The following PCDHGA1 variants were observed in gnomAD, a reference collection of about 807,000 sequenced individuals.
PCDHGA1 encodes the protein protocadherin gamma subfamily A, 1.
A neutral mutation model predicts 58.0 loss-of-function variants in PCDHGA1; 32 were observed. The observed-to-expected ratio is 0.55, with a 90% CI of 0.42 to 0.74. PCDHGA1 has a LOEUF of 0.74. Ranked by LOEUF, PCDHGA1 falls within the 30% of genes least tolerant of loss-of-function variation. The pLI, the probability that PCDHGA1 is intolerant of heterozygous loss-of-function variation, is 0.00. For synonymous variants in PCDHGA1, 498 were observed against 501.1 expected, an observed-to-expected ratio of 0.99 and a Z score of 0.08; for missense variants, 1,205 against 1,182.3, an observed-to-expected ratio of 1.02 and a Z score of -0.28.
chr5:141,457,168 C>T (rs10072917), intron 1 of PCDHGA1, among the ~76,000 whole-genome samples: 42,426 of 152,004 alleles, frequency 0.28, 6,644 homozygotes, highest in African/African-American at 0.43. Context: ...ATGGATAACC[C>T]TATTGCAAAT....
chr5:141,350,907 A>G lies in PCDHGA1; in HGVS notation c.2421+17802A>G, dbSNP rs199920590. 2.9e-4 allele frequency: 472 copies of G among 1,606,482 alleles called. 1 individual carries two copies. Among genetic ancestry groups the G allele is most frequent in the Admixed American group, 4.4e-4 (26 of 59,024 alleles). On this transcript the variant is annotated intron_variant, in intron 1 of 3. Coordinates refer to ENST00000517417, the MANE Select transcript of PCDHGA1 (RefSeq NM_018912.3). ...ATCCTGACTGCCATGGATGGCGGGGACCCGCCTCTAAGCGGCACCACCCAT... is the reference window on the plus strand; with the variant it reads ...ATCCTGACTGCCATGGATGGCGGGGGCCCGCCTCTAAGCGGCACCACCCAT...
chr5:141,410,153 C>G (rs200651346), intron 1 of PCDHGA1: 9 of 1,612,786 alleles, frequency 5.6e-6, no homozygotes. Context: ...TGACGGTGGA[C>G]AGCCGCCACT....
At chr5:141,382,732 G>A in intron 1 of PCDHGA1, 1 of 562,814 alleles carries the variant, frequency 1.8e-6, no homozygotes, top group African/African-American at 1.9e-5. Context: ...TTACAGCACA[G>A]AGAAACGACA....
In PCDHGA1 at chr5:141,512,009, CAAGTT is replaced by C. The variant is rs1409890580; in HGVS notation, c.*838_*842del. On this transcript the variant is annotated 3_prime_UTR_variant, in exon 4 of 4. Transcript: ENST00000517417. ...GGGGCATGGACAAAGCTTGACACATCAAGTTATCAAGGCCTTGGAGGAGGCTCTGT... is the reference window on the plus strand; with the variant it reads ...GGGGCATGGACAAAGCTTGACACATCATCAAGGCCTTGGAGGAGGCTCTGT... 1 of 153,074 alleles carries C rather than the reference CAAGTT, an allele frequency of 6.5e-6. No individual in the cohort carries two copies. The highest frequency in any genetic ancestry group is 1.9e-4 in the East Asian group (1 of 5,182). 9.5% of individuals were successfully genotyped at this position (153,074 alleles called of 1,614,324 possible).
At chr5:141,439,668 A>C (rs944454917) in intron 1 of PCDHGA1, among the ~76,000 whole-genome samples, 1 of 152,230 alleles carries the variant, frequency 6.6e-6, no homozygotes, top group Non-Finnish European at 1.5e-5. Context: ...CATGGAATGC[A>C]AATCCAAGAG....
intron 1 of PCDHGA1, among the ~76,000 whole-genome samples, chr5:141,456,483 CTTAATA>C (rs2098861684): frequency 1.3e-5 from 2 of 152,072 alleles, no homozygotes; most frequent in African/African-American, 4.8e-5. Context: ...CAAGAGAGTG[CTTAATA>C]AAGGGGTTAA....
In PCDHGA1 at chr5:141,477,074, A is replaced by G; in HGVS notation, c.2422-17733A>G. Reference sequence around the variant, plus strand: ...CTTCGAGGACACCAAACTCCATGAGATTTACATCCAGGCCAAAGACAAGGG... The same window carrying G: ...CTTCGAGGACACCAAACTCCATGAGGTTTACATCCAGGCCAAAGACAAGGG... On this transcript the variant is annotated intron_variant, in intron 1 of 3. Coordinates refer to ENST00000517417, the MANE Select transcript of PCDHGA1 (RefSeq NM_018912.3). This position sits in a 1 kb window ranked among gnomAD's most constrained non-coding sequence, Gnocchi z 4.9. 1 of 1,614,250 alleles carries G rather than the reference A, an allele frequency of 6.2e-7. No homozygotes were observed.
intron 1 of PCDHGA1, chr5:141,383,071 G>A (rs1778782498): frequency 1.2e-6 from 2 of 1,613,916 alleles, no homozygotes; most frequent in South Asian, 1.1e-5. Context: ...GGAGCCCCGG[G>A]AGCTGGCGGA....
chr5:141,463,438 CTTTTTTTTTTT>C (rs71576115), intron 1 of PCDHGA1, among the ~76,000 whole-genome samples: 7 of 103,256 alleles, frequency 6.8e-5, no homozygotes, highest in African/African-American at 1.8e-4. Flanking sequence ...TTTCCTTCTC[CTTTTTTTTTTT>C]TTTTTTTTTT....
At chr5:141,429,297 T>C (rs985228754) in intron 1 of PCDHGA1, 7 of 152,208 alleles carry the variant, frequency 4.6e-5, no homozygotes, top group Admixed American at 3.3e-4. Flanking sequence ...GGGACATCAA[T>C]ATTTGAGTAT....
chr5:141,454,351 C>T (rs1406631649), intron 1 of PCDHGA1, among the ~76,000 whole-genome samples: 2 of 152,152 alleles, frequency 1.3e-5, no homozygotes, highest in Non-Finnish European at 2.9e-5. Flanking sequence ...GAAGTTGATC[C>T]AAACTTAGAA....
intron 1 of PCDHGA1, among the ~76,000 whole-genome samples, chr5:141,396,827 T>G (rs1339802094): frequency 6.6e-6 from 1 of 152,218 alleles, no homozygotes; most frequent in East Asian, 1.9e-4. Flanking sequence ...TGGTGCATAT[T>G]CAGTGGAGTG....
chr5:141,477,582 A>T lies in PCDHGA1; in HGVS notation c.2422-17225A>T, dbSNP rs567486170. The T allele has an allele frequency of 6.2e-7, 1 of 1,614,190 alleles. No individual in the cohort carries two copies. The highest frequency in any genetic ancestry group is 2.2e-5 in the East Asian group (1 of 44,888). ...GTCTGGGACCCCGACGCCCCGCAGA[A>T]TGCTCGGCTTTCTTTCTTTCTCTTG... On this transcript the variant is annotated intron_variant, in intron 1 of 3. Transcript: ENST00000517417. The surrounding 1 kb of genome is among the most constrained non-coding windows in gnomAD (Gnocchi z 4.9).
Position 141,491,883 on chromosome 5 carries a change from G to T in PCDHGA1, c.2422-2924G>T. On this transcript the variant is annotated intron_variant, in intron 1 of 3. Transcript: ENST00000517417. The surrounding 1 kb of genome is among the most constrained non-coding windows in gnomAD (Gnocchi z 6.9). The stretch of plus-strand genomic sequence containing the variant: ...AAACCAGAGTGGCCGATTAAGGGAT[G>T]GGGCTCCGAGCACCGGGGGTGGTGG... 1 of 1,446,756 alleles carries T rather than the reference G, an allele frequency of 6.9e-7. No individual in the cohort carries two copies. Among genetic ancestry groups the T allele is most frequent in the South Asian group, 1.5e-5 (1 of 67,644 alleles). 89.6% of individuals were successfully genotyped at this position (1,446,756 alleles called of 1,614,324 possible). A position where few individuals can be genotyped will look rare whatever the true frequency, so the allele number is the denominator to read the frequency against.
At chr5:141,374,111 C>G (rs1169979924) in intron 1 of PCDHGA1, 3 of 1,576,926 alleles carry the variant, frequency 1.9e-6, no homozygotes, top group African/African-American at 1.4e-5. Context: ...GCATCCGCAG[C>G]GCAGCGAGCA....
intron 1 of PCDHGA1, chr5:141,416,261 A>G (rs2096009073): frequency 6.6e-6 from 1 of 152,294 alleles, no homozygotes; most frequent in Non-Finnish European, 1.5e-5. Flanking sequence ...ACACTGCAGT[A>G]TCCTTTTTGC....
chr5:141,398,040 C>T (rs569692941), intron 1 of PCDHGA1: 5 of 1,485,976 alleles, frequency 3.4e-6, no homozygotes, highest in East Asian at 4.8e-5. Context: ...AACTAAAGCC[C>T]GTTCGGAGAT....
At chr5:141,365,895 A>G in intron 1 of PCDHGA1, 1 of 1,614,212 alleles carries the variant, frequency 6.2e-7, no homozygotes, top group East Asian at 2.2e-5. Flanking sequence ...TCCTTCGACT[A>G]TGAGCAGTTG....
chr5:141,420,187 C>G (rs1369031488), intron 1 of PCDHGA1: 1 of 1,613,706 alleles, frequency 6.2e-7, no homozygotes, highest in East Asian at 2.2e-5. Context: ...ATTGTCCAGC[C>G]ACACAAGATA....
Sources: allele counts gnomAD v4.1 joint callset (sites outside exome capture counted in the v4.1 genomes callset), GRCh38; gene constraint gnomAD v4.1.1; non-coding constraint Gnocchi (gnomAD v3.1); transcripts MANE v1.5; gene names NCBI Gene and HGNC (gene_info 2026-07-23, HGNC 2026-07-21).